The following COL15A1 variants were observed in gnomAD, a reference collection of about 807,000 sequenced individuals.
The protein encoded by COL15A1 is collagen type XV alpha 1 chain.
Under a neutral mutation model 165.9 loss-of-function variants are expected in COL15A1, and 111 were observed. The observed-to-expected ratio is 0.67, with a 90% CI of 0.57 to 0.78. The LOEUF (loss-of-function observed/expected upper bound fraction) is 0.78. Among genes scored for constraint, COL15A1 ranks in the 30% least tolerant of loss-of-function variants. COL15A1 has a pLI of 0.00. For synonymous variants in COL15A1, 659 were observed against 674.8 expected (o/e 0.98, Z 0.36); for missense variants, 1,745 against 1,789.7 (o/e 0.98, Z 0.45).
intron 5 of COL15A1, 117 bp from the exon 6 acceptor site, chr9:98,996,816 TC>T (rs1838552978): frequency 6.9e-7 from 1 of 1,454,836 alleles, no homozygotes; most frequent in African/African-American, 1.4e-5. Context: ...GGCCAAGCTT[TC>T]CCCTTGGTTT....
intron 2 of COL15A1, among the ~76,000 whole-genome samples, chr9:98,964,781 G>T (rs1837928222): frequency 6.6e-6 from 1 of 152,200 alleles, no homozygotes; most frequent in Non-Finnish European, 1.5e-5. Flanking sequence ...CACACCATCA[G>T]TCTGGGCATC....
At chr9:99,011,319 T>C (rs964720835) in intron 9 of COL15A1, among the ~76,000 whole-genome samples, 5 of 151,808 alleles carry the variant, frequency 3.3e-5, no homozygotes, top group Admixed American at 6.6e-5. Context: ...TGAAAGCTTT[T>C]TTTTTCATCT....
At position 99,055,282 on chromosome 9, in the gene COL15A1, G is replaced by A; in HGVS notation, c.3102G>A (p.Gly1034=). The change falls in exon 34 of 42, where the codon GGG becomes GGA. Residue 1034 remains glycine (G), a synonymous_variant. Coordinates refer to ENST00000375001, the MANE Select transcript of COL15A1 (RefSeq NM_001855.5). The part of the protein sequence containing the change: ...NNLKGENGDK[G]FKGEKGEKGD... ...TCCAGGGGGAGAATGGAGACAAGGG[G>A]TTCAAAGGTGAAAAAGGAGAAAAAG... is the stretch of plus-strand genomic sequence containing the variant. 1 of 1,613,210 alleles carries A rather than the reference G, an allele frequency of 6.2e-7. No homozygotes were observed. The highest frequency in any genetic ancestry group is 1.1e-5 in the South Asian group (1 of 91,066).
At chr9:98,962,242 C>T (rs1338716193) in intron 2 of COL15A1, among the ~76,000 whole-genome samples, 3 of 152,256 alleles carry the variant, frequency 2.0e-5, no homozygotes, top group Admixed American at 6.5e-5. Context: ...AGGAATAACT[C>T]GGGTGGGAGG....
intron 12 of COL15A1, among the ~76,000 whole-genome samples, chr9:99,021,849 G>A (rs560441142): frequency 1.9e-4 from 29 of 152,326 alleles, no homozygotes; most frequent in Middle Eastern, 3.4e-3. Flanking sequence ...TGTGTGATGC[G>A]TGCTCATACT....
intron 2 of COL15A1, among the ~76,000 whole-genome samples, chr9:98,965,891 C>T (rs972009672): frequency 2.0e-5 from 3 of 152,042 alleles, no homozygotes; most frequent in Admixed American, 2.0e-4. Flanking sequence ...TCCTCTTGAT[C>T]CCCCAGAGCC....
chr9:99,035,096 G>A lies in COL15A1; in HGVS notation c.2162G>A (p.Gly721Glu). ...AGPPGVMGPP[G>E]PPGPPGPPGP... is the part of the protein sequence containing the mutation. Reference sequence around the variant, plus strand: ...CCTCCTGGGGTCATGGGACCCCCAGGGCCTCCTGGACCCCCTGGGCCCCCA... The same window carrying A: ...CCTCCTGGGGTCATGGGACCCCCAGAGCCTCCTGGACCCCCTGGGCCCCCA... The change falls in exon 18 of 42, where the codon GGG becomes GAG. Residue 721 changes from glycine (G) to glutamate (E), a missense_variant. By Grantham distance (98) the Gly-to-Glu change is moderately conservative. Coordinates refer to ENST00000375001, the MANE Select transcript of COL15A1 (RefSeq NM_001855.5). 6.2e-7 allele frequency: 1 copy of A among 1,610,028 alleles called. No homozygotes were observed. The highest frequency in any genetic ancestry group is 8.5e-7 in the Non-Finnish European group (1 of 1,176,732).
Position 98,986,067 on chromosome 9 carries a change from A to T in COL15A1, c.603A>T (p.Gly201=), listed in dbSNP as rs752484757. ...CTTTGGCTTTTGAGTCCAGCGCTGG[A>T]ATCTTCATGGGCAATGCAGGAGCTA... ...SQALAFESSA[G]IFMGNAGATG... is the part of the protein sequence containing the mutation. The change falls in exon 3 of 42, where the codon GGA becomes GGT. Residue 201 remains glycine (G), a synonymous_variant. Coordinates refer to ENST00000375001, the MANE Select transcript of COL15A1 (RefSeq NM_001855.5). 36 of 1,613,802 alleles carry T rather than the reference A, an allele frequency of 2.2e-5. No individual in the cohort carries two copies. In the South Asian group the frequency reaches 4.0e-4, roughly 18 times the overall value.
rs536993581 is a variant in COL15A1 at position 98,944,506 on chromosome 9, A to G, written c.100+256A>G. On this transcript the variant is annotated intron_variant, in intron 2 of 41. Transcript: ENST00000375001. The stretch of plus-strand genomic sequence containing the variant: ...CCCGAGATGTCTGAGCTGGGTGCGG[A>G]GCCTCCAATCTTAGGCAGAGAGGGA... Among the ~76,000 whole-genome samples, 6 of 152,052 alleles carry G rather than the reference A, an allele frequency of 3.9e-5. No individual in the cohort carries two copies. The South Asian group carries it at 1.0e-3, about 26-fold the overall frequency.
chr9:99,020,513 T>G, intron 12 of COL15A1, 71 bp downstream of exon 12: 11 of 1,098,332 alleles, frequency 1.0e-5, no homozygotes, highest in Non-Finnish European at 1.4e-5. Flanking sequence ...TATTTAGGTT[T>G]GATTTAGCCC....
At chr9:99,060,234 T>TATATATA (rs1825788210) in intron 36 of COL15A1, among the ~76,000 whole-genome samples, 3 of 84,854 alleles carry the variant, frequency 3.5e-5, no homozygotes, top group African/African-American at 1.4e-4. Flanking sequence ...TTATATATTT[T>TATATATA]TATATATATA....
chr9:98,946,981 A>T (rs899454857), intron 2 of COL15A1, among the ~76,000 whole-genome samples: 20 of 152,342 alleles, frequency 1.3e-4, no homozygotes, highest in Admixed American at 3.9e-4. Context: ...GTTCCCAACG[A>T]TTTGGCAGTT....
In COL15A1 at chr9:99,022,137, C is replaced by T. The variant is rs1564062212; in HGVS notation, c.1748C>T (p.Pro583Leu). ...ELPGPPEPSG[P>L]VGPTAGAEAE... is the part of the protein sequence containing the mutation. ...CCTGGCCCTCCTGAACCTTCTGGGC[C>T]TGTTGGACCCACGGTGAGATTCCCA... The change falls in exon 13 of 42, where the codon CCT (proline) becomes CTT (leucine). Residue 583 changes from proline to leucine, a missense_variant. By Grantham distance (98) the Pro-to-Leu change is moderately conservative. Transcript: ENST00000375001. 6.2e-7 allele frequency: 1 copy of T among 1,614,132 alleles called. No individual in the cohort carries two copies. Among genetic ancestry groups the T allele is most frequent in the Admixed American group, 1.7e-5 (1 of 60,030 alleles).
At chr9:98,981,182 G>A (rs1007640043) in intron 2 of COL15A1, among the ~76,000 whole-genome samples, 2 of 152,108 alleles carry the variant, frequency 1.3e-5, no homozygotes, top group African/African-American at 2.4e-5. Context: ...GGCCAGGCGC[G>A]GTGGCTCATT....
chr9:99,055,020 A>T, intron 32 of COL15A1, 82 bp from the exon 33 acceptor site: 2 of 1,173,024 alleles, frequency 1.7e-6, no homozygotes, highest in Non-Finnish European at 2.6e-6. Flanking sequence ...CTAAGATGTA[A>T]CTGTGGTTGC....
In COL15A1 at chr9:99,024,909, T is replaced by A. The variant is rs756996859; in HGVS notation, c.1890T>A (p.Pro630=). The part of the protein sequence containing the change: ...PPGPPGPPGL[P]GIPGKPGTDV... Reference sequence around the variant, plus strand: ...GACCCCCAGGGCCACCTGGCTTACCTGGGATTCCAGGAAAACCAGGAACTG... The same window carrying A: ...GACCCCCAGGGCCACCTGGCTTACCAGGGATTCCAGGAAAACCAGGAACTG... Residue 630 remains proline, a synonymous_variant, in exon 15 of 42, where the codon CCT becomes CCA. Coordinates refer to ENST00000375001, the MANE Select transcript of COL15A1 (RefSeq NM_001855.5). 1 of 1,614,038 alleles carries A rather than the reference T, an allele frequency of 6.2e-7. No individual in the cohort carries two copies. Among genetic ancestry groups the A allele is most frequent in the East Asian group, 2.2e-5 (1 of 44,882 alleles).
intron 36 of COL15A1, among the ~76,000 whole-genome samples, chr9:99,061,322 G>C (rs372014856): frequency 6.6e-6 from 1 of 152,188 alleles, no homozygotes; most frequent in Non-Finnish European, 1.5e-5. Flanking sequence ...TCTCTTGGCC[G>C]TTATTTCTTT....
intron 35 of COL15A1, among the ~76,000 whole-genome samples, chr9:99,058,991 G>T (rs565365950): frequency 4.6e-5 from 7 of 152,288 alleles, no homozygotes; most frequent in Non-Finnish European, 1.0e-4. Flanking sequence ...GGTGAGCAGA[G>T]GATGAGAGAG....
intron 2 of COL15A1, among the ~76,000 whole-genome samples, chr9:98,970,775 G>A (rs1467503256): frequency 6.6e-6 from 1 of 152,136 alleles, no homozygotes; most frequent in Non-Finnish European, 1.5e-5. Flanking sequence ...GAGTAGGTAA[G>A]TGTGTGCATG....
Sources: allele counts gnomAD v4.1 joint callset (sites outside exome capture counted in the v4.1 genomes callset), GRCh38; gene constraint gnomAD v4.1.1; transcripts MANE v1.5; gene names NCBI Gene and HGNC (gene_info 2026-07-23, HGNC 2026-07-21).